Variants in U2AF2 observed in about 807,000 individuals in gnomAD.
U2AF2 encodes splicing factor U2AF 65 kDa subunit.
U2AF2 carries 6 observed loss-of-function variants against 52.6 expected under a neutral mutation model. That is an observed-to-expected ratio of 0.11 (90% confidence interval 0.06 to 0.23). The LOEUF is 0.23. Among genes scored for constraint, U2AF2 ranks in the 10% least tolerant of loss-of-function variants. The probability of loss-of-function intolerance (pLI) is 1.00; values close to 1 mark genes in which losing one functional copy is unlikely to be tolerated. For missense variants in U2AF2, 222 were observed against 677.1 expected (o/e 0.33, Z 7.46); for synonymous variants, 284 against 258.2 (o/e 1.10, Z -0.96).
Position 55,672,824 on chromosome 19 carries a change from T to C in U2AF2, c.1294-1110T>C, listed in dbSNP as rs532195185. ...ACCTGGTTAATTTTTTTTGTATTTTTAATAGAGACAGGGTTTCACCGTGTT... is the reference window on the plus strand; with the variant it reads ...ACCTGGTTAATTTTTTTTGTATTTTCAATAGAGACAGGGTTTCACCGTGTT... On this transcript the variant is annotated intron_variant, in intron 11 of 11. Transcript: ENST00000308924. Among the ~76,000 whole-genome samples the C allele has an allele frequency of 5.3e-5, 8 of 152,142 alleles. No individual in the cohort carries two copies. In the East Asian group the frequency reaches 1.3e-3, roughly 26 times the overall value.
Position 55,660,528 on chromosome 19 carries a change from C to G in U2AF2, c.243C>G (p.Arg81=). The change falls in exon 4 of 12, where the codon CGC becomes CGG. Residue 81 remains arginine (R), a synonymous_variant. Coordinates refer to ENST00000308924, the MANE Select transcript of U2AF2 (RefSeq NM_007279.3). ...EEHGGLIRSP[R]HEKKKKVRKY... ...CCACCTCCCCCAGTCGTTCCCCCCG[C>G]CACGAGAAGAAGAAGAAGGTCCGTA... The G allele has an allele frequency of 6.2e-7, 1 of 1,607,166 alleles. No homozygotes were observed. Among genetic ancestry groups the G allele is most frequent in the South Asian group, 1.1e-5 (1 of 90,314 alleles).
intron 1 of U2AF2, among the ~76,000 whole-genome samples, chr19:55,655,762 CG>C (rs747779254): frequency 3.5e-4 from 53 of 152,334 alleles, no homozygotes; most frequent in Middle Eastern, 3.4e-3. Flanking sequence ...GTTTCTGCCC[CG>C]TCTGTTGGTA....
chr19:55,658,040 T>G (rs1983906202), intron 1 of U2AF2, among the ~76,000 whole-genome samples: 1 of 152,216 alleles, frequency 6.6e-6, no homozygotes. Flanking sequence ...GTTTTGGAAT[T>G]GTGATGCTTT....
Position 55,655,239 on chromosome 19 carries a change from C to T in U2AF2, c.49+86C>T, listed in dbSNP as rs945454413. On this transcript the variant is annotated intron_variant, in intron 1 of 11. Coordinates refer to ENST00000308924, the MANE Select transcript of U2AF2 (RefSeq NM_007279.3). ...CCCCGCCATTTTCTCCCTCGCTTCC[C>T]CCCACTTCACGGCCGCGCGGCGCCC... 13 of 1,448,366 alleles carry T rather than the reference C, an allele frequency of 9.0e-6. No individual in the cohort carries two copies. In the African/African-American group the frequency reaches 1.5e-4, roughly 16 times the overall value. The allele number at this position is 1,448,366 out of a possible 1,614,324, so 89.7% of individuals were successfully genotyped here.
chr19:55,667,226 T>C (rs1382186324), intron 7 of U2AF2, among the ~76,000 whole-genome samples: 1 of 152,122 alleles, frequency 6.6e-6, no homozygotes, highest in Non-Finnish European at 1.5e-5. Flanking sequence ...CTCCCCTCCT[T>C]CCATGGGCAC....
chr19:55,656,494 TA>T (rs1189330302), intron 1 of U2AF2, among the ~76,000 whole-genome samples: 4 of 150,970 alleles, frequency 2.6e-5, no homozygotes, highest in Non-Finnish European at 4.4e-5. Flanking sequence ...TACGTTTATA[TA>T]TTTTTTTCCA....
At chr19:55,673,598 C>T (rs942241695) in intron 11 of U2AF2, among the ~76,000 whole-genome samples, 1 of 152,198 alleles carries the variant, frequency 6.6e-6, no homozygotes, top group Non-Finnish European at 1.5e-5. Flanking sequence ...ACCATGGTGG[C>T]TCGTGTGGAG....
chr19:55,655,235 T>A, intron 1 of U2AF2, 82 bp downstream of exon 1: 1 of 1,461,206 alleles, frequency 6.8e-7, no homozygotes, highest in Non-Finnish European at 9.3e-7. Context: ...TCTCCCTCGC[T>A]TCCCCCCACT....
intron 2 of U2AF2, among the ~76,000 whole-genome samples, chr19:55,659,619 T>A (rs1984030398): frequency 6.6e-6 from 1 of 151,988 alleles, no homozygotes; most frequent in Non-Finnish European, 1.5e-5. Context: ...GGGAATTGAT[T>A]CTGTGTTTTC....
intron 7 of U2AF2, among the ~76,000 whole-genome samples, chr19:55,664,443 GC>G (rs1001098148): frequency 6.6e-5 from 10 of 152,322 alleles, no homozygotes; most frequent in Admixed American, 3.9e-4. Context: ...CAGGTGATGG[GC>G]CCTGTCAGCC....
chr19:55,656,363 A>G (rs1017487944), intron 1 of U2AF2, among the ~76,000 whole-genome samples: 2 of 152,218 alleles, frequency 1.3e-5, no homozygotes, highest in Admixed American at 6.5e-5. Context: ...TGGGGAAGCA[A>G]TAACGTTTAC....
rs3786649 is a variant in U2AF2 at position 55,658,219 on chromosome 19, G to A, written c.50-991G>A. Among the ~76,000 whole-genome samples, 24 of 152,280 alleles carry A rather than the reference G, an allele frequency of 1.6e-4. No homozygotes were observed. In the East Asian group the frequency reaches 4.4e-3, roughly 28 times the overall value. ...ACCTTAACGTGTGCATCTGTTTTGT[G>A]TGTGTGCTTCATGGCTAGCTGAGAA... On this transcript the variant is annotated intron_variant, in intron 1 of 11. Transcript: ENST00000308924.
chr19:55,663,541 G>C, intron 6 of U2AF2, 65 bp from the exon 7 acceptor site: 1 of 1,553,422 alleles, frequency 6.4e-7, no homozygotes, highest in Non-Finnish European at 8.7e-7. Flanking sequence ...TCCCAATCCT[G>C]GAACACTAGG....
At chr19:55,659,188 C>T in intron 1 of U2AF2, 22 bp from the exon 2 acceptor site, 3 of 1,529,700 alleles carry the variant, frequency 2.0e-6, no homozygotes, top group Non-Finnish European at 2.6e-6. Flanking sequence ...TATCCCGTGC[C>T]CCTCCTCTCA....
At chr19:55,661,214 C>T in intron 5 of U2AF2, 25 bp downstream of exon 5, 1 of 1,559,112 alleles carries the variant, frequency 6.4e-7, no homozygotes, top group Non-Finnish European at 8.7e-7. Flanking sequence ...TGCCCCCTAC[C>T]CTCTCCCTTG....
chr19:55,671,001 C>G (rs536514207), intron 11 of U2AF2, among the ~76,000 whole-genome samples: 4 of 152,288 alleles, frequency 2.6e-5, no homozygotes, highest in Non-Finnish European at 2.9e-5. Flanking sequence ...TTGTCAGGAC[C>G]AAGGCTGGCT....
chr19:55,660,144 C>T, intron 2 of U2AF2, 33 bp from the exon 3 acceptor site: 3 of 1,585,282 alleles, frequency 1.9e-6, no homozygotes, highest in South Asian at 1.1e-5. Context: ...TCCCCAGTCA[C>T]CCCTCCCCAT....
At chr19:55,660,659 C>T (rs529779557) in intron 4 of U2AF2, 40 bp downstream of exon 4, 4 of 1,575,994 alleles carry the variant, frequency 2.5e-6, no homozygotes, top group East Asian at 2.2e-5. Flanking sequence ...CGGGAGGGTA[C>T]AGGGGTTGGG....
Position 55,665,365 on chromosome 19 carries a change from C to T in U2AF2, c.742+1621C>T, listed in dbSNP as rs112494346. On this transcript the variant is annotated intron_variant, in intron 7 of 11. Coordinates refer to ENST00000308924, the MANE Select transcript of U2AF2 (RefSeq NM_007279.3). Reference sequence around the variant, plus strand: ...GGATTGGCGCTGTCCTAAGTGCCCTCCATGCACGGCAGTTCTACGACACAG... The same window carrying T: ...GGATTGGCGCTGTCCTAAGTGCCCTTCATGCACGGCAGTTCTACGACACAG... 2.3e-3 allele frequency among the ~76,000 whole-genome samples: 330 copies of T among 144,492 alleles called. 1 individual carries two copies. Among genetic ancestry groups the T allele is most frequent in the Admixed American group, 3.8e-3 (56 of 14,658 alleles). 94.8% of individuals were successfully genotyped at this position (144,492 alleles called of 152,430 possible).
Sources: gnomAD v4.1 joint callset for allele counts (sites outside exome capture counted in the v4.1 genomes callset) on GRCh38, gnomAD v4.1.1 for gene constraint, MANE v1.5 for transcripts, NCBI Gene and HGNC (gene_info 2026-07-23, HGNC 2026-07-21) for gene names.